The following NSRP1 variants were observed in gnomAD, a reference collection of about 807,000 sequenced individuals.
NSRP1 encodes the protein nuclear speckle splicing regulatory protein 1, also known as coiled-coil domain containing 55.
Under a neutral mutation model 54.7 loss-of-function variants are expected in NSRP1, and 24 were observed. That is an observed-to-expected ratio of 0.44 (90% CI 0.32 to 0.62). The LOEUF is 0.62. Among genes scored for constraint, NSRP1 ranks in the 20% least tolerant of loss-of-function variants. The probability of loss-of-function intolerance (pLI) is 0.06; values close to 1 mark genes in which losing one functional copy is unlikely to be tolerated. For synonymous variants in NSRP1, 210 were observed against 213.8 expected, an observed-to-expected ratio of 0.98 and a Z score of 0.15; for missense variants, 596 against 651.2, an observed-to-expected ratio of 0.92 and a Z score of 0.92.
chr17:30,127,604 G>T lies in NSRP1; in HGVS notation c.114+9431G>T, dbSNP rs143048797. 4.1e-3 allele frequency among the ~76,000 whole-genome samples: 624 copies of T among 152,152 alleles called. 12 individuals are homozygous for T. Among genetic ancestry groups the T allele is most frequent in the East Asian group, 0.013 (65 of 5,168 alleles). ...AATTTGTTTATTTTTTGTAGAGACAGGGTCTCCCTCTGTTTCCCAGGCTGG... is the reference window on the plus strand; with the variant it reads ...AATTTGTTTATTTTTTGTAGAGACATGGTCTCCCTCTGTTTCCCAGGCTGG... On this transcript the variant is annotated intron_variant, in intron 2 of 6. Transcript: ENST00000247026.
intron 2 of NSRP1, among the ~76,000 whole-genome samples, chr17:30,120,147 T>G (rs973962463): frequency 6.6e-6 from 1 of 152,212 alleles, no homozygotes; most frequent in African/African-American, 2.4e-5. Flanking sequence ...AATCATACAG[T>G]ATGTACTCTT....
chr17:30,171,955 CACACACACACACACA>C (rs1904947559), intron 2 of NSRP1, among the ~76,000 whole-genome samples: 1 of 134,820 alleles, frequency 7.4e-6, no homozygotes, highest in African/African-American at 2.8e-5. Flanking sequence ...CACACACACA[CACACACACACACACA>C]CACTCCCTCT....
At chr17:30,167,611 A>G (rs538072788) in intron 2 of NSRP1, among the ~76,000 whole-genome samples, 89 of 152,268 alleles carry the variant, frequency 5.8e-4, no homozygotes, top group African/African-American at 2.1e-3. Context: ...TCTGTCTTAA[A>G]AAAAAAAATA....
intron 3 of NSRP1, among the ~76,000 whole-genome samples, chr17:30,177,542 C>T (rs959599405): frequency 3.3e-5 from 5 of 152,004 alleles, no homozygotes; most frequent in Non-Finnish European, 1.5e-5. Context: ...GAGAAAAAAA[C>T]ATCATTTGAG....
At chr17:30,174,118 T>C (rs1224026490) in intron 3 of NSRP1, among the ~76,000 whole-genome samples, 1 of 152,188 alleles carries the variant, frequency 6.6e-6, no homozygotes, top group African/African-American at 2.4e-5. Flanking sequence ...GTAATACAGG[T>C]ATCTTGTTTT....
intron 6 of NSRP1, among the ~76,000 whole-genome samples, chr17:30,181,865 C>G (rs923603375): frequency 6.6e-6 from 1 of 151,940 alleles, no homozygotes; most frequent in Non-Finnish European, 1.5e-5. Context: ...CCGCCTCGGC[C>G]TCCCAAAGTA....
chr17:30,144,562 A>T (rs1347821971), intron 2 of NSRP1: 1 of 152,068 alleles, frequency 6.6e-6, no homozygotes, highest in Non-Finnish European at 1.5e-5. Flanking sequence ...GTGCCCGGCA[A>T]CATAAGATTA....
Position 30,184,658 on chromosome 17 carries a change from G to T in NSRP1, c.661G>T (p.Val221Leu). ...EEKSRGFSNE[V>L]SSKNRIPQEK... ...AAAATCAAGGGGCTTCTCCAATGAA[G>T]TAAGTTCAAAAAACAGAATACCACA... is the stretch of plus-strand genomic sequence containing the variant. Residue 221 changes from valine to leucine, a missense_variant, in exon 7 of 7, where the codon GTA (valine) becomes TTA (leucine). Transcript: ENST00000247026. The T allele has an allele frequency of 6.3e-7, 1 of 1,592,202 alleles. No individual in the cohort carries two copies. The highest frequency in any genetic ancestry group is 1.4e-5 in the African/African-American group (1 of 73,930).
chr17:30,150,356 G>C (rs1446050113), intron 2 of NSRP1: 2 of 151,534 alleles, frequency 1.3e-5, no homozygotes, highest in African/African-American at 4.9e-5. Flanking sequence ...TGGGATTACA[G>C]GTGTGAGCCA....
chr17:30,116,988 A>G, intron 1 of NSRP1, 125 bp downstream of exon 1: 1 of 1,257,658 alleles, frequency 8.0e-7, no homozygotes, highest in Non-Finnish European at 1.1e-6. Flanking sequence ...GAGACGGGAA[A>G]AAACGAGAAG....
At chr17:30,163,249 T>TGTGTGTGTGTGTGTGTGTGTGTGTG (rs1567801752) in intron 2 of NSRP1, 1 of 113,740 alleles carries the variant, frequency 8.8e-6, no homozygotes, top group African/African-American at 4.2e-5. Context: ...GTGTGTGTGT[T>TGTGTGTGTGTGTGTGTGTGTGTGTG]TTTAGTAGAG....
At chr17:30,152,903 CTTTTTTTTTTT>C (rs60246615) in intron 2 of NSRP1, among the ~76,000 whole-genome samples, 1 of 46,856 alleles carries the variant, frequency 2.1e-5, no homozygotes. Context: ...TTATTTTCAG[CTTTTTTTTTTT>C]TTTTTTTTTT....
chr17:30,177,471 C>T (rs970327183), intron 3 of NSRP1, among the ~76,000 whole-genome samples: 28 of 151,824 alleles, frequency 1.8e-4, no homozygotes, highest in Admixed American at 1.5e-3. Flanking sequence ...CAGAAATGGG[C>T]TCATAGAAGA....
intron 2 of NSRP1, among the ~76,000 whole-genome samples, chr17:30,140,708 T>C (rs1380742400): frequency 6.6e-6 from 1 of 151,832 alleles, no homozygotes; most frequent in Non-Finnish European, 1.5e-5. Flanking sequence ...TATTGTATTT[T>C]TAGTAGAGAC....
chr17:30,129,157 A>G (rs1000921602), intron 2 of NSRP1, among the ~76,000 whole-genome samples: 1 of 152,074 alleles, frequency 6.6e-6, no homozygotes, highest in Non-Finnish European at 1.5e-5. Context: ...TTTCCAAATC[A>G]TATTAAAATG....
chr17:30,139,084 A>G (rs969213707), intron 2 of NSRP1, among the ~76,000 whole-genome samples: 1 of 151,094 alleles, frequency 6.6e-6, no homozygotes, highest in African/African-American at 2.5e-5. Context: ...TGCCTAGCTA[A>G]TATTTTGTAT....
At chr17:30,131,729 A>G (rs1286884536) in intron 2 of NSRP1, among the ~76,000 whole-genome samples, 1 of 152,076 alleles carries the variant, frequency 6.6e-6, no homozygotes, top group Non-Finnish European at 1.5e-5. Context: ...TTCTTAAGAC[A>G]AAAATGAAGT....
intron 2 of NSRP1, among the ~76,000 whole-genome samples, chr17:30,170,006 A>G (rs1904871628): frequency 6.6e-6 from 1 of 151,832 alleles, no homozygotes; most frequent in Admixed American, 6.6e-5. Flanking sequence ...GTTTTTTTTT[A>G]AACAGCAGTT....
At chr17:30,118,810 G>A (rs539051529) in intron 2 of NSRP1, among the ~76,000 whole-genome samples, 3 of 148,742 alleles carry the variant, frequency 2.0e-5, no homozygotes, top group African/African-American at 5.0e-5. Context: ...GTGCAATGCC[G>A]CGATCTCGGC....
Sources: allele counts gnomAD v4.1 joint callset (sites outside exome capture counted in the v4.1 genomes callset), GRCh38; gene constraint gnomAD v4.1.1; transcripts MANE v1.5; gene names NCBI Gene and HGNC (gene_info 2026-07-23, HGNC 2026-07-21).